PCSK5: variants seen among roughly 807,000 people sequenced by gnomAD.
PCSK5 encodes prohormone convertase 5.
In PCSK5, 129 loss-of-function variants were observed where a neutral mutation model predicts 233.2. That is an observed-to-expected ratio of 0.55 (90% CI 0.48 to 0.64). The LOEUF is 0.64. Ranked by LOEUF, PCSK5 falls within the 30% of genes least tolerant of loss-of-function variation. PCSK5 has a pLI of 0.00. For missense variants in PCSK5, 2,076 were observed against 2,430.1 expected (o/e 0.85, Z 3.06); for synonymous variants, 825 against 879.2 (o/e 0.94, Z 1.09).
chr9:75,990,621 A>G (rs1239038592), intron 3 of PCSK5, among the ~76,000 whole-genome samples: 3 of 152,256 alleles, frequency 2.0e-5, no homozygotes, highest in African/African-American at 7.2e-5. Context: ...GAGTTTAGAA[A>G]AACATGATTT....
chr9:75,959,183 C>T (rs942475631), intron 2 of PCSK5, among the ~76,000 whole-genome samples: 48 of 152,166 alleles, frequency 3.2e-4, no homozygotes, highest in African/African-American at 8.9e-4. Context: ...AGGGAAGACT[C>T]TTGAGCCAAT....
rs559605527 is a variant in PCSK5 at position 76,346,158 on chromosome 9, G to A, written c.4967-4670G>A. Among the ~76,000 whole-genome samples the A allele has an allele frequency of 6.1e-5, 9 of 148,012 alleles. No homozygotes were observed. In the East Asian group the frequency reaches 8.0e-4, roughly 13 times the overall value. ...ATTGACCAGAGATTATTTTTCCCAC[G>A]TTTATTTTTGCCAACTTTGTCAAAA... On this transcript the variant is annotated intron_variant, in intron 35 of 37. Transcript: ENST00000674117.
At chr9:75,988,428 C>T (rs909927219) in intron 3 of PCSK5, among the ~76,000 whole-genome samples, 7 of 151,728 alleles carry the variant, frequency 4.6e-5, no homozygotes, top group African/African-American at 7.3e-5. Flanking sequence ...ACTATAGGTG[C>T]GCACCACCAT....
chr9:75,920,730 TG>T (rs1192144400), intron 1 of PCSK5, among the ~76,000 whole-genome samples: 1 of 151,976 alleles, frequency 6.6e-6, no homozygotes, highest in East Asian at 1.9e-4. Flanking sequence ...CACTTGAACC[TG>T]GAAAGCGGAG....
At chr9:76,048,746 A>T (rs573692497) in intron 5 of PCSK5, among the ~76,000 whole-genome samples, 1 of 152,370 alleles carries the variant, frequency 6.6e-6, no homozygotes, top group Admixed American at 6.5e-5. Flanking sequence ...CCTGACAAGT[A>T]AAAGATAAGT....
intron 2 of PCSK5, among the ~76,000 whole-genome samples, chr9:75,937,473 T>C (rs4609257): frequency 0.53 from 79,894 of 152,034 alleles, 21,224 homozygotes; most frequent in African/African-American, 0.55. Context: ...GCCACCACTC[T>C]CAGCCCTCCA....
intron 22 of PCSK5, among the ~76,000 whole-genome samples, chr9:76,233,910 T>C (rs1826175009): frequency 6.6e-6 from 1 of 152,056 alleles, no homozygotes; most frequent in South Asian, 2.1e-4. Context: ...AAGTTAAGAT[T>C]TGTGGAGGTA....
intron 8 of PCSK5, among the ~76,000 whole-genome samples, chr9:76,104,261 T>C (rs1045964331): frequency 2.6e-5 from 4 of 152,186 alleles, no homozygotes; most frequent in African/African-American, 9.7e-5. Context: ...AACTTCCTCT[T>C]GAAATGACCC....
At chr9:76,210,603 T>A (rs1323870003) in intron 20 of PCSK5, among the ~76,000 whole-genome samples, 5 of 152,190 alleles carry the variant, frequency 3.3e-5, no homozygotes, top group Non-Finnish European at 7.3e-5. Flanking sequence ...TTAAGGCTCT[T>A]GTATGTCATT....
chr9:76,065,438 C>T lies in PCSK5; in HGVS notation c.633-2517C>T, dbSNP rs536808719. ...TGATGTTGAGCATTTTTTTCACATACCCGTAGTCCAATTATATGTCTTCTT... is the reference window on the plus strand; with the variant it reads ...TGATGTTGAGCATTTTTTTCACATATCCGTAGTCCAATTATATGTCTTCTT... On this transcript the variant is annotated intron_variant, in intron 5 of 37. Coordinates refer to ENST00000674117, the MANE Select transcript of PCSK5 (RefSeq NM_001372043.1). Among the ~76,000 whole-genome samples the T allele has an allele frequency of 6.6e-5, 10 of 152,202 alleles. No individual in the cohort carries two copies. The East Asian group carries it at 1.7e-3, about 26-fold the overall frequency.
intron 5 of PCSK5, among the ~76,000 whole-genome samples, chr9:76,042,835 A>G (rs2777020): frequency 0.23 from 34,267 of 152,116 alleles, 4,331 homozygotes; most frequent in East Asian, 0.35. Context: ...ATGTTCCTTG[A>G]GATGTTTTTA....
At chr9:75,973,592 G>C (rs115192557) in intron 2 of PCSK5, among the ~76,000 whole-genome samples, 1 of 152,156 alleles carries the variant, frequency 6.6e-6, no homozygotes, top group East Asian at 1.9e-4. Flanking sequence ...CTGGATCTCC[G>C]GGAAATCTAA....
chr9:76,101,847 C>T (rs534830588), intron 8 of PCSK5, among the ~76,000 whole-genome samples: 1 of 152,280 alleles, frequency 6.6e-6, no homozygotes, highest in African/African-American at 2.4e-5. Context: ...CAGAAATATT[C>T]TGCTCCTCTT....
intron 5 of PCSK5, among the ~76,000 whole-genome samples, chr9:76,033,073 C>A (rs1292252971): frequency 6.6e-6 from 1 of 152,206 alleles, no homozygotes; most frequent in East Asian, 1.9e-4. Context: ...TCTTGTCACA[C>A]ATCATTTCTG....
intron 21 of PCSK5, among the ~76,000 whole-genome samples, chr9:76,230,705 A>G (rs1487036052): frequency 1.3e-5 from 2 of 152,168 alleles, no homozygotes; most frequent in Non-Finnish European, 2.9e-5. Flanking sequence ...CAGCAGCATT[A>G]GATTCTCATA....
In PCSK5 at chr9:76,338,285, G is replaced by C; in HGVS notation, c.4804G>C (p.Gly1602Arg). Residue 1602 changes from glycine to arginine, a missense_variant, in exon 35 of 38, where the codon GGG becomes CGG. By Grantham distance (125) the Gly-to-Arg change is moderately radical (BLOSUM62 -2). Coordinates refer to ENST00000674117, the MANE Select transcript of PCSK5 (RefSeq NM_001372043.1). ...TGAGAGGTGCAACAGGAGCTGCAAG[G>C]GGTGCCAGGGCCCACGGCCCACAGA... The part of the protein sequence containing the change: ...RCERCNRSCK[G>R]CQGPRPTDCL... The C allele has an allele frequency of 6.2e-7, 1 of 1,612,668 alleles. No individual in the cohort carries two copies. Among genetic ancestry groups the C allele is most frequent in the Non-Finnish European group, 8.5e-7 (1 of 1,179,780 alleles).
chr9:76,223,195 T>C (rs1191206796), intron 20 of PCSK5, among the ~76,000 whole-genome samples: 1 of 152,256 alleles, frequency 6.6e-6, no homozygotes, highest in Non-Finnish European at 1.5e-5. Flanking sequence ...CATATTTATG[T>C]ATCGATTAAT....
intron 5 of PCSK5, among the ~76,000 whole-genome samples, chr9:76,031,887 A>G (rs954342577): frequency 7.2e-5 from 11 of 152,174 alleles, no homozygotes; most frequent in African/African-American, 2.4e-4. Flanking sequence ...AACACTTCAA[A>G]TTTAAATTAA....
chr9:75,968,301 G>A (rs1825680730), intron 2 of PCSK5, among the ~76,000 whole-genome samples: 1 of 152,184 alleles, frequency 6.6e-6, no homozygotes, highest in South Asian at 2.1e-4. Flanking sequence ...CCGACGCAAG[G>A]TCTTGACTGC....
Sources: allele counts gnomAD v4.1 joint callset (sites outside exome capture counted in the v4.1 genomes callset), GRCh38; gene constraint gnomAD v4.1.1; transcripts MANE v1.5; gene names NCBI Gene and HGNC (gene_info 2026-07-23, HGNC 2026-07-21).